Variants in FER observed in about 807,000 individuals in gnomAD.
FER encodes the protein tyrosine-protein kinase Fer.
FER carries 63 observed loss-of-function variants against 111.0 expected under a neutral mutation model. The ratio of observed to expected loss-of-function variants is 0.57; its 90% CI spans 0.46 to 0.70. The LOEUF (loss-of-function observed/expected upper bound fraction) is 0.70. Among genes scored for constraint, FER ranks in the 30% least tolerant of loss-of-function variants. The pLI is 0.00. For synonymous variants in FER, 327 were observed against 313.9 expected (o/e 1.04, Z -0.44); for missense variants, 914 against 954.0 (o/e 0.96, Z 0.55).
chr5:108,899,376 G>A (rs1323660747), intron 10 of FER, among the ~76,000 whole-genome samples: 1 of 152,022 alleles, frequency 6.6e-6, no homozygotes, highest in Non-Finnish European at 1.5e-5. Context: ...TGGCATATGT[G>A]TTCTTTCAAA....
intron 17 of FER, among the ~76,000 whole-genome samples, chr5:109,140,995 T>C (rs928319430): frequency 3.9e-5 from 6 of 152,176 alleles, no homozygotes; most frequent in African/African-American, 1.4e-4. Flanking sequence ...ATCTCGAGCA[T>C]ACCATGTTCA....
intron 8 of FER, among the ~76,000 whole-genome samples, chr5:108,876,725 A>G (rs1765125918): frequency 6.6e-6 from 1 of 152,208 alleles, no homozygotes. Context: ...GTACTAGTCT[A>G]TGTACTGTAC....
intron 4 of FER, among the ~76,000 whole-genome samples, chr5:108,835,134 T>C (rs975198452): frequency 2.0e-5 from 3 of 151,630 alleles, no homozygotes; most frequent in Admixed American, 6.6e-5. Context: ...CATACTAAGT[T>C]AATTTTTTTA....
chr5:109,145,475 A>C (rs1221904409), intron 17 of FER, among the ~76,000 whole-genome samples: 1 of 151,722 alleles, frequency 6.6e-6, no homozygotes, highest in African/African-American at 2.4e-5. Context: ...TTTCTTTACA[A>C]TTTTTTTCTT....
intron 14 of FER, 46 bp from the exon 15 acceptor site, chr5:109,044,634 A>T: frequency 1.0e-6 from 1 of 973,966 alleles, no homozygotes; most frequent in South Asian, 1.7e-5. Flanking sequence ...GCAAAGATAT[A>T]CATGCTGTCA....
At chr5:108,839,004 C>CT (rs764219888) in intron 5 of FER, among the ~76,000 whole-genome samples, 7 of 151,158 alleles carry the variant, frequency 4.6e-5, no homozygotes, top group African/African-American at 9.7e-5. Flanking sequence ...GGAGGTGTTT[C>CT]TTTTTTTTTC....
chr5:109,134,187 G>A (rs925425502), intron 17 of FER, among the ~76,000 whole-genome samples: 1 of 151,796 alleles, frequency 6.6e-6, no homozygotes, highest in Non-Finnish European at 1.5e-5. Context: ...CCATTGTGTT[G>A]GTATAATAAA....
At chr5:108,966,319 A>G (rs1031554655) in intron 13 of FER, among the ~76,000 whole-genome samples, 11 of 152,090 alleles carry the variant, frequency 7.2e-5, no homozygotes, top group Non-Finnish European at 1.6e-4. Context: ...TGATATTTAT[A>G]GCACAAACAT....
intron 8 of FER, among the ~76,000 whole-genome samples, chr5:108,880,822 T>TA (rs1442759833): frequency 2.0e-5 from 3 of 152,142 alleles, no homozygotes; most frequent in Non-Finnish European, 4.4e-5. Flanking sequence ...TTTGCTTTAA[T>TA]ATCAAATGCC....
chr5:109,034,141 C>T (rs941909228), intron 13 of FER, among the ~76,000 whole-genome samples: 1 of 152,200 alleles, frequency 6.6e-6, no homozygotes, highest in Non-Finnish European at 1.5e-5. Context: ...CTCCATTCCT[C>T]AACCCCTCAC....
At chr5:109,024,685 CT>C (rs1371847094) in intron 13 of FER, among the ~76,000 whole-genome samples, 1 of 152,158 alleles carries the variant, frequency 6.6e-6, no homozygotes, top group Non-Finnish European at 1.5e-5. Flanking sequence ...CATATTGTCA[CT>C]GGATAAGAAA....
At chr5:109,065,433 C>T (rs943631430) in intron 16 of FER, among the ~76,000 whole-genome samples, 1 of 152,166 alleles carries the variant, frequency 6.6e-6, no homozygotes, top group Non-Finnish European at 1.5e-5. Flanking sequence ...TGTAATGCTA[C>T]TCTTTTATTT....
chr5:109,070,308 TATCCAGTTCAGTATA>T (rs1012333444), intron 16 of FER, among the ~76,000 whole-genome samples: 1 of 152,056 alleles, frequency 6.6e-6, no homozygotes, highest in Admixed American at 6.5e-5. Context: ...ACTTAAGGTC[TATCCAGTTCAGTATA>T]ATATGTTGGG....
At position 109,187,698 on chromosome 5, in the gene FER, T is replaced by G. The variant is rs777987877; in HGVS notation, c.*123T>G. The stretch of plus-strand genomic sequence containing the variant: ...GACAGTCTTCTACCATTATTTTTTA[T>G]TAACTGGGTGTTTTAAAAGTACGTT... On this transcript the variant is annotated 3_prime_UTR_variant, in exon 20 of 20. Coordinates refer to ENST00000281092, the MANE Select transcript of FER (RefSeq NM_005246.4). 111 of 1,219,038 alleles carry G rather than the reference T, an allele frequency of 9.1e-5. 1 individual carries two copies. Among genetic ancestry groups the G allele is most frequent in the Middle Eastern group, 2.5e-4 (1 of 3,970 alleles). The allele number at this position is 1,219,038 out of a possible 1,614,324, so 75.5% of individuals were successfully genotyped here. A position where few individuals can be genotyped will look rare whatever the true frequency, so the allele number is the denominator to read the frequency against.
chr5:109,071,903 G>A (rs534834710), intron 16 of FER, among the ~76,000 whole-genome samples: 8 of 151,250 alleles, frequency 5.3e-5, no homozygotes, highest in East Asian at 2.0e-4. Context: ...TAGTTCTATC[G>A]TCATGAGGGA....
At chr5:108,749,875 AACAAATT>A (rs1301441241) in intron 1 of FER, among the ~76,000 whole-genome samples, 3 of 152,272 alleles carry the variant, frequency 2.0e-5, no homozygotes, top group African/African-American at 7.2e-5. Context: ...GTACTTCTTA[AACAAATT>A]GAGGATTGTA....
intron 11 of FER, among the ~76,000 whole-genome samples, chr5:108,954,019 C>T (rs975970959): frequency 6.6e-6 from 1 of 152,052 alleles, no homozygotes; most frequent in African/African-American, 2.4e-5. Context: ...TAGCATTTGG[C>T]CTCTTAAAAT....
intron 15 of FER, among the ~76,000 whole-genome samples, chr5:109,046,260 C>T (rs369751314): frequency 1.3e-5 from 2 of 152,032 alleles, no homozygotes; most frequent in African/African-American, 4.8e-5. Flanking sequence ...ATTACAAAAT[C>T]CAATGAAATG....
intron 2 of FER, among the ~76,000 whole-genome samples, chr5:108,776,767 C>T (rs1244357331): frequency 6.6e-6 from 1 of 152,062 alleles, no homozygotes; most frequent in African/African-American, 2.4e-5. Context: ...GAATTGAAAA[C>T]TCAACATGTA....
Sources: gnomAD v4.1 joint callset for allele counts (sites outside exome capture counted in the v4.1 genomes callset) on GRCh38, gnomAD v4.1.1 for gene constraint, MANE v1.5 for transcripts, NCBI Gene and HGNC (gene_info 2026-07-23, HGNC 2026-07-21) for gene names.